Variants in HGSNAT observed in about 807,000 individuals in gnomAD.
HGSNAT encodes the protein transmembrane protein 76.
In HGSNAT, 59 loss-of-function variants were observed where a neutral mutation model predicts 85.2. The observed-to-expected ratio is 0.69, with a 90% CI of 0.56 to 0.86. The LOEUF is 0.86. HGSNAT is among the 40% of genes least tolerant of loss of function. The probability of loss-of-function intolerance (pLI) is 0.00; values close to 1 mark genes in which losing one functional copy is unlikely to be tolerated. For missense variants in HGSNAT, 756 were observed against 777.1 expected, an observed-to-expected ratio of 0.97 and a Z score of 0.32; for synonymous variants, 321 against 304.5, an observed-to-expected ratio of 1.05 and a Z score of -0.56.
intron 5 of HGSNAT, among the ~76,000 whole-genome samples, chr8:43,161,996 A>C (rs1026534380): frequency 8.5e-5 from 13 of 152,200 alleles, no homozygotes; most frequent in Non-Finnish European, 1.6e-4. Flanking sequence ...TCCCTTGGTT[A>C]GTTTGTTAGC....
At chr8:43,156,644 T>G (rs186015645) in intron 2 of HGSNAT, among the ~76,000 whole-genome samples, 3 of 152,358 alleles carry the variant, frequency 2.0e-5, no homozygotes, top group South Asian at 4.1e-4. Context: ...TTAGACTTGT[T>G]TGCTCCCTTT....
intron 2 of HGSNAT, among the ~76,000 whole-genome samples, chr8:43,156,457 C>T (rs942956335): frequency 5.9e-5 from 9 of 152,080 alleles, no homozygotes; most frequent in Non-Finnish European, 1.2e-4. Context: ...AGGTGCCCAC[C>T]ACCATGCCCA....
In HGSNAT at chr8:43,140,858, C is replaced by T. The variant is rs562295141; in HGVS notation, c.118+244C>T. On this transcript the variant is annotated intron_variant, in intron 1 of 17. Transcript: ENST00000379644. Reference sequence around the variant, plus strand: ...CGGTTCGGACCGCGGCGGAGTGGAACCTGGGCGCCCAGGCGGCGCCCACCC... The same window carrying T: ...CGGTTCGGACCGCGGCGGAGTGGAATCTGGGCGCCCAGGCGGCGCCCACCC... Among the ~76,000 whole-genome samples the T allele has an allele frequency of 4.6e-3, 698 of 152,212 alleles. 4 individuals are homozygous for T. The highest frequency in any genetic ancestry group is 8.2e-3 in the Non-Finnish European group (560 of 67,974).
chr8:43,144,571 A>T (rs536844324), intron 1 of HGSNAT, among the ~76,000 whole-genome samples: 24 of 152,222 alleles, frequency 1.6e-4, no homozygotes, highest in African/African-American at 5.5e-4. Context: ...TTCAAGTTTA[A>T]CTTGAATTTA....
chr8:43,163,277 A>G (rs1249684523), intron 5 of HGSNAT, among the ~76,000 whole-genome samples: 3 of 152,142 alleles, frequency 2.0e-5, no homozygotes, highest in Non-Finnish European at 2.9e-5. Flanking sequence ...TACTCTTTGC[A>G]CATGATGCTG....
At position 43,150,106 on chromosome 8, in the gene HGSNAT, G is replaced by A. The variant is rs187910857; in HGVS notation, c.234+3043G>A. ...CGAGTAGTTGGGACTACAGGCGCCC[G>A]CCACCGCACCCAGTAATTTTGTATT... On this transcript the variant is annotated intron_variant, in intron 2 of 17. Coordinates refer to ENST00000379644, the MANE Select transcript of HGSNAT (RefSeq NM_152419.3). Among the ~76,000 whole-genome samples the A allele has an allele frequency of 2.5e-3, 379 of 151,998 alleles. 2 individuals are homozygous for A. The highest frequency in any genetic ancestry group is 0.011 in the South Asian group (53 of 4,794).
intron 11 of HGSNAT, among the ~76,000 whole-genome samples, chr8:43,190,800 A>G (rs755285065): frequency 7.9e-5 from 12 of 152,216 alleles, no homozygotes; most frequent in Non-Finnish European, 1.6e-4. Context: ...AAAGTGTACA[A>G]TTTGATGATA....
chr8:43,140,489 CGGCG>C lies in HGSNAT; in HGVS notation c.-4_-1del, dbSNP rs1802475553. ...GGGCAGGCAAGGGCGGCCGAGCGGG[CGGCG>C]GGCATGAGCGGGGCGGGCAGGGCGC... On this transcript the variant is annotated 5_prime_UTR_variant, in exon 1 of 18. Coordinates refer to ENST00000379644, the MANE Select transcript of HGSNAT (RefSeq NM_152419.3). The C allele has an allele frequency of 8.0e-6, 8 of 1,005,080 alleles. No individual in the cohort carries two copies. In the South Asian group the frequency reaches 3.2e-4, roughly 40 times the overall value. 62.3% of individuals were successfully genotyped at this position (1,005,080 alleles called of 1,614,324 possible).
In HGSNAT at chr8:43,158,601, T is replaced by A. The variant is rs1461875540; in HGVS notation, c.261T>A (p.Val87=). The A allele has an allele frequency of 3.1e-6, 5 of 1,613,852 alleles. No individual in the cohort carries two copies. Among genetic ancestry groups the A allele is most frequent in the Non-Finnish European group, 4.2e-6 (5 of 1,179,874 alleles). The change falls in exon 3 of 18, where the codon GTT becomes GTA. Residue 87 remains valine (V), a synonymous_variant. Transcript: ENST00000379644. ...GCTTGTTTCAGGTTCTGGTAAACGTTCCTCAGAGTCCAAAAGCAGGGAAGC... is the reference window on the plus strand; with the variant it reads ...GCTTGTTTCAGGTTCTGGTAAACGTACCTCAGAGTCCAAAAGCAGGGAAGC... ...YHCLFQVLVN[V]PQSPKAGKPS...
chr8:43,165,044 ATTTTTTTT>A (rs1175997527), intron 5 of HGSNAT, among the ~76,000 whole-genome samples: 12 of 72,058 alleles, frequency 1.7e-4, no homozygotes, highest in South Asian at 1.0e-3. Flanking sequence ...CACCATGATA[ATTTTTTTT>A]TTTTTTTTTT....
intron 11 of HGSNAT, among the ~76,000 whole-genome samples, chr8:43,184,905 ATTTC>A (rs965826331): frequency 3.3e-5 from 5 of 152,084 alleles, no homozygotes; most frequent in African/African-American, 1.2e-4. Flanking sequence ...TCCTTTCCCC[ATTTC>A]TTGTTTTTGT....
intron 11 of HGSNAT, among the ~76,000 whole-genome samples, chr8:43,185,284 C>T (rs970336691): frequency 6.6e-6 from 1 of 152,188 alleles, no homozygotes; most frequent in Non-Finnish European, 1.5e-5. Context: ...GAATGTTCTT[C>T]CATTTGTTTG....
intron 1 of HGSNAT, among the ~76,000 whole-genome samples, chr8:43,146,054 C>T (rs373638091): frequency 4.6e-4 from 70 of 152,220 alleles, no homozygotes; most frequent in African/African-American, 1.5e-3. Flanking sequence ...ACCAAATTGG[C>T]ACACGTGATT....
chr8:43,162,934 C>G (rs568447540), intron 5 of HGSNAT, among the ~76,000 whole-genome samples: 7 of 152,074 alleles, frequency 4.6e-5, no homozygotes, highest in African/African-American at 1.7e-4. Context: ...GCCTCTAATA[C>G]CAGCACTTTG....
At chr8:43,148,619 C>G (rs1161184244) in intron 2 of HGSNAT, among the ~76,000 whole-genome samples, 1 of 150,816 alleles carries the variant, frequency 6.6e-6, no homozygotes, top group Non-Finnish European at 1.5e-5. Context: ...GAAACCCCAT[C>G]TCTATTAAAA....
chr8:43,190,768 G>T (rs893796176), intron 11 of HGSNAT, among the ~76,000 whole-genome samples: 1 of 151,850 alleles, frequency 6.6e-6, no homozygotes, highest in Non-Finnish European at 1.5e-5. Context: ...TATAATTTAC[G>T]TACCATAAAA....
At chr8:43,150,834 AAAATAAATAAATAAAT>A (rs144266684) in intron 2 of HGSNAT, among the ~76,000 whole-genome samples, 9 of 147,086 alleles carry the variant, frequency 6.1e-5, no homozygotes, top group Admixed American at 2.7e-4. Flanking sequence ...ACTCCGTTTC[AAAATAAATAAATAAAT>A]AAATAAATAA....
intron 1 of HGSNAT, 76 bp downstream of exon 1, chr8:43,140,690 C>A: frequency 1.5e-6 from 1 of 689,020 alleles, no homozygotes; most frequent in South Asian, 4.7e-5. Flanking sequence ...GCCCCTATCT[C>A]CGTGCGCGGC....
intron 11 of HGSNAT, among the ~76,000 whole-genome samples, chr8:43,186,315 G>T (rs956573259): frequency 3.3e-5 from 5 of 152,106 alleles, no homozygotes; most frequent in African/African-American, 1.2e-4. Context: ...CAATTTCAGA[G>T]CCTGTTATTG....
Sources: gnomAD v4.1 joint callset for allele counts (sites outside exome capture counted in the v4.1 genomes callset) on GRCh38, gnomAD v4.1.1 for gene constraint, MANE v1.5 for transcripts, NCBI Gene and HGNC (gene_info 2026-07-23, HGNC 2026-07-21) for gene names.